Variants in ZFAT observed in about 807,000 individuals in gnomAD.
ZFAT encodes zinc finger and AT-hook domain containing.
In ZFAT, 64 loss-of-function variants were observed where a neutral mutation model predicts 117.7. That is an observed-to-expected ratio of 0.54 (90% CI 0.44 to 0.67). ZFAT has a LOEUF of 0.67. Among genes scored for constraint, ZFAT ranks in the 30% least tolerant of loss-of-function variants. The pLI is 0.00. For synonymous variants in ZFAT, 679 were observed against 615.0 expected (o/e 1.10, Z -1.54); for missense variants, 1,433 against 1,584.5 (o/e 0.90, Z 1.62).
chr8:134,528,511 C>T (rs1489511546), intron 12 of ZFAT, among the ~76,000 whole-genome samples: 1 of 152,178 alleles, frequency 6.6e-6, no homozygotes, highest in African/African-American at 2.4e-5. Context: ...GTGTAAAAAA[C>T]TAATACACAA....
At chr8:134,815,864 A>G in the ZFAT span, among the ~76,000 whole-genome samples, 1 of 151,682 alleles carries the variant, frequency 6.6e-6, no homozygotes, top group Non-Finnish European at 1.5e-5. Context: ...ATTACCACGC[A>G]CTCTTTGATT....
chr8:134,697,152 T>G (rs919515918), intron 1 of ZFAT, among the ~76,000 whole-genome samples: 1 of 152,056 alleles, frequency 6.6e-6, no homozygotes, highest in African/African-American at 2.4e-5. Flanking sequence ...TCTCGCTCTG[T>G]CACCCAGGCT....
rs1047847095 is a variant in ZFAT, at chr8:134,645,940, C to T, written c.197-8228G>A. The stretch of plus-strand genomic sequence containing the variant: ...GAACTGAGCCAGGCGCAGTGGCTCA[C>T]GCCTGTAATCCCAGCACTTTGGGAG... On this transcript the variant is annotated intron_variant, in intron 2 of 15. Transcript: ENST00000377838. Among the ~76,000 whole-genome samples, 11 of 152,226 alleles carry T rather than the reference C, an allele frequency of 7.2e-5. No homozygotes were observed. The East Asian group carries it at 1.2e-3, about 16-fold the overall frequency.
chr8:134,810,974 T>C, the ZFAT span, among the ~76,000 whole-genome samples: 1 of 151,532 alleles, frequency 6.6e-6, no homozygotes, highest in East Asian at 1.9e-4. Flanking sequence ...CCTGAGTCAC[T>C]CGCTACATCT....
intron 3 of ZFAT, among the ~76,000 whole-genome samples, chr8:134,625,796 C>T (rs904014630): frequency 9.4e-5 from 14 of 148,548 alleles, no homozygotes; most frequent in Non-Finnish European, 1.6e-4. Context: ...CTGCTGGGCA[C>T]GAGCCGTGAG....
Position 134,588,379 on chromosome 8 carries a change from G to A in ZFAT, c.2580C>T (p.Thr860=). The A allele has an allele frequency of 1.3e-6, 2 of 1,588,660 alleles. No homozygotes were observed. The highest frequency in any genetic ancestry group is 1.2e-5 in the South Asian group (1 of 86,454). ...CCCTCCTCCCGAGAACCTCAGAAAT[G>A]GTGCTCATGGAGACCTCTAGAAGAA... ...KTNHPEVSMS[T]ISEVLGRRVQ... is the part of the protein sequence containing the mutation. The change falls in exon 9 of 16, where the codon ACC becomes ACT. Residue 860 remains threonine (T), a synonymous_variant. Coordinates refer to ENST00000377838, the MANE Select transcript of ZFAT (RefSeq NM_020863.4).
the ZFAT span, among the ~76,000 whole-genome samples, chr8:134,788,701 C>G: frequency 6.6e-6 from 1 of 152,206 alleles, no homozygotes; most frequent in African/African-American, 2.4e-5. Flanking sequence ...TAGACACTTA[C>G]CTATTTCTCT....
At chr8:134,592,821 A>C (rs1014777741) in intron 7 of ZFAT, among the ~76,000 whole-genome samples, 3 of 152,234 alleles carry the variant, frequency 2.0e-5, no homozygotes, top group Non-Finnish European at 4.4e-5. Context: ...AGTGTACTTT[A>C]CATTAAAAAC....
intron 2 of ZFAT, among the ~76,000 whole-genome samples, chr8:134,639,389 A>C (rs1830455360): frequency 6.6e-6 from 1 of 152,214 alleles, no homozygotes; most frequent in South Asian, 2.1e-4. Context: ...TGAAAGATCC[A>C]AACCAGAGTC....
At chr8:134,518,707 T>G (rs1266807363) in intron 13 of ZFAT, among the ~76,000 whole-genome samples, 1 of 151,562 alleles carries the variant, frequency 6.6e-6, no homozygotes, top group African/African-American at 2.4e-5. Flanking sequence ...TTTTTACTTA[T>G]TTATGAGCTC....
intron 11 of ZFAT, among the ~76,000 whole-genome samples, chr8:134,534,759 G>C (rs1821700002): frequency 1.2e-5 from 1 of 86,708 alleles, no homozygotes; most frequent in Non-Finnish European, 2.5e-5. Flanking sequence ...AAGAGGGGGA[G>C]AGGGAGAGAG....
chr8:134,562,368 T>C (rs1486986915), intron 11 of ZFAT, among the ~76,000 whole-genome samples: 1 of 152,168 alleles, frequency 6.6e-6, no homozygotes, highest in Non-Finnish European at 1.5e-5. Flanking sequence ...AAATTGGTGG[T>C]AATCTGTTAC....
At chr8:134,625,815 T>TC (rs61594875) in intron 3 of ZFAT, among the ~76,000 whole-genome samples, 35,355 of 152,168 alleles carry the variant, frequency 0.23, 4,539 homozygotes, top group African/African-American at 0.33. Flanking sequence ...AGCCACGTGT[T>TC]CAGTACTTCT....
At chr8:134,767,770 C>A in the ZFAT span, among the ~76,000 whole-genome samples, 2 of 152,112 alleles carry the variant, frequency 1.3e-5, no homozygotes, top group Non-Finnish European at 2.9e-5. Context: ...TTAAAATGTT[C>A]TCATTGTCTT....
the ZFAT span, among the ~76,000 whole-genome samples, chr8:134,720,683 C>T: frequency 3.7e-4 from 57 of 152,340 alleles, no homozygotes; most frequent in African/African-American, 1.3e-3. Flanking sequence ...CCGCAGTTGG[C>T]AGTAAGCAGG....
At chr8:134,775,648 C>T in the ZFAT span, among the ~76,000 whole-genome samples, 14,470 of 152,210 alleles carry the variant, frequency 0.095, 1,454 homozygotes, top group African/African-American at 0.25. Context: ...GTACTGGGTT[C>T]ATCATTCTTA....
At chr8:134,665,169 T>C (rs1832147443) in intron 1 of ZFAT, among the ~76,000 whole-genome samples, 1 of 152,174 alleles carries the variant, frequency 6.6e-6, no homozygotes. Flanking sequence ...AACTGGAATA[T>C]GAATTCATAG....
chr8:134,780,018 G>A, the ZFAT span, among the ~76,000 whole-genome samples: 1 of 152,034 alleles, frequency 6.6e-6, no homozygotes. Flanking sequence ...TCCAATACCT[G>A]GTACTCTGAA....
the ZFAT span, among the ~76,000 whole-genome samples, chr8:134,744,507 G>C: frequency 6.6e-6 from 1 of 151,486 alleles, no homozygotes. Context: ...CATTGGCCAG[G>C]CTGGTCTCAA....
Sources: allele counts gnomAD v4.1 joint callset (sites outside exome capture counted in the v4.1 genomes callset), GRCh38; gene constraint gnomAD v4.1.1; transcripts MANE v1.5; gene names NCBI Gene and HGNC (gene_info 2026-07-23, HGNC 2026-07-21).